The following MYH9 variants were observed in gnomAD, a reference collection of about 807,000 sequenced individuals.
MYH9 encodes the protein myosin-9.
Under a neutral mutation model 241.9 loss-of-function variants are expected in MYH9, and 29 were observed. The ratio of observed to expected loss-of-function variants is 0.12; its 90% CI spans 0.09 to 0.16. The LOEUF (loss-of-function observed/expected upper bound fraction) is 0.16. MYH9 is among the 10% of genes least tolerant of loss of function. MYH9 has a pLI of 1.00. For missense variants in MYH9, 1,803 were observed against 2,595.5 expected (o/e 0.69, Z 6.63); for synonymous variants, 1,047 against 1,062.6 (o/e 0.99, Z 0.29).
At position 36,320,135 on chromosome 22, in the gene MYH9, C is replaced by G; in HGVS notation, c.1012+85G>C. On this transcript the variant is annotated intron_variant, in intron 9 of 40. Coordinates refer to ENST00000216181, the MANE Select transcript of MYH9 (RefSeq NM_002473.6). This position sits in a 1 kb window ranked among gnomAD's most constrained non-coding sequence, Gnocchi z 4.8. ...CCTGGCCTCTAGCAGGCTCCCCAGG[C>G]CCATCGGCTACCCTGATGCCCCGAG... 6.3e-7 allele frequency: 1 copy of G among 1,576,028 alleles called. No individual in the cohort carries two copies.
At chr22:36,364,856 C>T (rs984190644) in intron 1 of MYH9, 4 of 152,244 alleles carry the variant, frequency 2.6e-5, no homozygotes, top group Non-Finnish European at 5.9e-5. Context: ...AGAGCCACCA[C>T]TTAACTAACA....
At chr22:36,343,284 C>T (rs1233170961) in intron 2 of MYH9, among the ~76,000 whole-genome samples, 1 of 152,180 alleles carries the variant, frequency 6.6e-6, no homozygotes. Flanking sequence ...CACTGGAATT[C>T]CAGCACTTGG....
At chr22:36,283,960 G>A in intron 40 of MYH9, 133 bp downstream of exon 40, 1 of 1,083,766 alleles carries the variant, frequency 9.2e-7, no homozygotes, top group Non-Finnish European at 1.4e-6. Flanking sequence ...CAAGGAGCCA[G>A]AAGGGGCAGG....
intron 14 of MYH9, among the ~76,000 whole-genome samples, chr22:36,311,797 T>C (rs930045337): frequency 1.3e-5 from 2 of 152,192 alleles, no homozygotes; most frequent in African/African-American, 2.4e-5. Flanking sequence ...TAATGCATGA[T>C]GACAACCAGC....
chr22:36,302,790 A>T, intron 19 of MYH9, 114 bp from the exon 20 acceptor site: 1 of 855,910 alleles, frequency 1.2e-6, no homozygotes, highest in Admixed American at 2.0e-5. Context: ...GGGCACCTCA[A>T]GAAAGAAATT....
chr22:36,336,131 C>T (rs2017494349), intron 3 of MYH9, among the ~76,000 whole-genome samples: 3 of 152,192 alleles, frequency 2.0e-5, no homozygotes, highest in South Asian at 4.1e-4. Context: ...ATCTGCTTCC[C>T]CCAAAATGCT....
Position 36,306,085 on chromosome 22 carries a change from TC to T in MYH9, c.2038-35del. 1.2e-6 allele frequency: 2 copies of T among 1,611,452 alleles called. No homozygotes were observed. The highest frequency in any genetic ancestry group is 1.7e-6 in the Non-Finnish European group (2 of 1,179,948). On this transcript the variant is annotated intron_variant, in intron 16 of 40. Transcript: ENST00000216181. The surrounding 1 kb of genome is among the most constrained non-coding windows in gnomAD (Gnocchi z 4.1). ...GAAAACACATGCATGCGGTCTCACT[TC>T]CGTGCCTAGAACAGTCGGAGAATAG...
chr22:36,387,479 G>C (rs949998370), intron 1 of MYH9, among the ~76,000 whole-genome samples: 1 of 152,174 alleles, frequency 6.6e-6, no homozygotes, highest in South Asian at 2.1e-4. Flanking sequence ...GCGTGCCCCA[G>C]CGGCTGGGGG....
At chr22:36,373,400 G>T (rs538721289) in intron 1 of MYH9, among the ~76,000 whole-genome samples, 1 of 152,204 alleles carries the variant, frequency 6.6e-6, no homozygotes, top group East Asian at 1.9e-4. Context: ...TCTGGCCAGG[G>T]GCCTTGGAAG....
intron 10 of MYH9, among the ~76,000 whole-genome samples, chr22:36,319,222 T>C (rs2017208865): frequency 1.3e-5 from 2 of 152,116 alleles, no homozygotes; most frequent in Non-Finnish European, 1.5e-5. Flanking sequence ...GATCTCGACA[T>C]AGTCACAGGC....
intron 1 of MYH9, among the ~76,000 whole-genome samples, chr22:36,387,546 G>C (rs1462044507): frequency 1.3e-5 from 2 of 151,612 alleles, no homozygotes; most frequent in African/African-American, 4.8e-5. Flanking sequence ...GGGGCGCCGG[G>C]GAGCGCCGGG....
intron 1 of MYH9, among the ~76,000 whole-genome samples, chr22:36,379,365 C>T (rs1007930195): frequency 6.6e-6 from 1 of 152,110 alleles, no homozygotes; most frequent in Non-Finnish European, 1.5e-5. Flanking sequence ...AAAAATTAGC[C>T]GGGCGTGGTG....
intron 1 of MYH9, among the ~76,000 whole-genome samples, chr22:36,379,861 C>A (rs1412704926): frequency 6.6e-6 from 1 of 152,206 alleles, no homozygotes; most frequent in African/African-American, 2.4e-5. Flanking sequence ...GGGACACCTG[C>A]CCGGGTGCTG....
At chr22:36,333,025 A>T (rs1022898474) in intron 3 of MYH9, among the ~76,000 whole-genome samples, 2 of 152,154 alleles carry the variant, frequency 1.3e-5, no homozygotes, top group African/African-American at 4.8e-5. Context: ...AAAAGGAAAG[A>T]CAAAGCAGGA....
chr22:36,341,652 T>C (rs2017592658), intron 2 of MYH9, 126 bp from the exon 3 acceptor site: 1 of 1,067,420 alleles, frequency 9.4e-7, no homozygotes, highest in Non-Finnish European at 1.4e-6. Flanking sequence ...AGGCACTCCC[T>C]GATGGCCCTT....
intron 24 of MYH9, among the ~76,000 whole-genome samples, chr22:36,298,248 C>T (rs1224636558): frequency 6.6e-6 from 1 of 152,084 alleles, no homozygotes; most frequent in African/African-American, 2.4e-5. Context: ...TTCCCCTGTT[C>T]CCCCAGCTGT....
At chr22:36,287,771 A>T (rs955640203) in intron 34 of MYH9, among the ~76,000 whole-genome samples, 6 of 152,234 alleles carry the variant, frequency 3.9e-5, no homozygotes, top group African/African-American at 1.4e-4. Context: ...AATTTGTTAA[A>T]CTAAGGTTAT....
chr22:36,349,644 C>T (rs2017735636), intron 1 of MYH9, among the ~76,000 whole-genome samples: 2 of 152,146 alleles, frequency 1.3e-5, no homozygotes, highest in South Asian at 2.1e-4. Flanking sequence ...GCAGGAGAAT[C>T]GCTTGAACCC....
chr22:36,377,434 A>T (rs756690793), intron 1 of MYH9, among the ~76,000 whole-genome samples: 3 of 152,200 alleles, frequency 2.0e-5, no homozygotes, highest in Non-Finnish European at 4.4e-5. Context: ...AAAAATACTT[A>T]AACCAGCTCA....
Sources: gnomAD v4.1 joint callset for allele counts (sites outside exome capture counted in the v4.1 genomes callset) on GRCh38, gnomAD v4.1.1 for gene constraint, Gnocchi (gnomAD v3.1) non-coding constraint, MANE v1.5 for transcripts, NCBI Gene and HGNC (gene_info 2026-07-23, HGNC 2026-07-21) for gene names.